Variants in DCC observed in about 807,000 individuals in gnomAD.
DCC encodes netrin receptor DCC.
In DCC, 58 loss-of-function variants were observed where a neutral mutation model predicts 172.5. The observed-to-expected ratio is 0.34, with a 90% CI of 0.27 to 0.42. The LOEUF (loss-of-function observed/expected upper bound fraction) is 0.42, where lower values mean the gene tolerates loss of function less well. DCC is among the 10% of genes least tolerant of loss of function. The probability of loss-of-function intolerance (pLI) is 1.00; values close to 1 mark genes in which losing one functional copy is unlikely to be tolerated. For missense variants in DCC, 1,740 were observed against 1,791.0 expected, an observed-to-expected ratio of 0.97 and a Z score of 0.51; for synonymous variants, 709 against 644.5, an observed-to-expected ratio of 1.10 and a Z score of -1.52.
intron 12 of DCC, among the ~76,000 whole-genome samples, chr18:53,278,059 T>A (rs1420499948): frequency 1.3e-5 from 2 of 152,148 alleles, no homozygotes; most frequent in Admixed American, 6.6e-5. Flanking sequence ...AGGGAGTTGA[T>A]CTTAATAACA....
Position 53,446,124 on chromosome 18 carries a change from A to AC in DCC, c.3230-4375dup, listed in dbSNP as rs1555672927. Among the ~76,000 whole-genome samples the AC allele has an allele frequency of 6.1e-3, 717 of 116,824 alleles. 2 individuals are homozygous for AC. The highest frequency in any genetic ancestry group is 0.016 in the Middle Eastern group (3 of 182). 76.6% of individuals were successfully genotyped at this position (116,824 alleles called of 152,430 possible). On this transcript the variant is annotated intron_variant, in intron 22 of 28. Coordinates refer to ENST00000442544, the MANE Select transcript of DCC (RefSeq NM_005215.4). ...AAAAAAAAAAAAAAAACAAAAAAAA[A>AC]CACTTAAAAATTTTCCAGGGATGGT...
At chr18:52,780,113 C>T (rs2037508462) in intron 2 of DCC, among the ~76,000 whole-genome samples, 1 of 152,096 alleles carries the variant, frequency 6.6e-6, no homozygotes, top group South Asian at 2.1e-4. Flanking sequence ...TTTTTCATAG[C>T]TTTCTGCAGG....
intron 28 of DCC, chr18:53,527,082 CATGGATACGTGTGTGT>C (rs1393993030): frequency 2.9e-6 from 1 of 343,700 alleles, no homozygotes; most frequent in Non-Finnish European, 5.5e-6. Context: ...ATGATATACA[CATGGATACGTGTGTGT>C]GTGTGTGTGT....
intron 5 of DCC, among the ~76,000 whole-genome samples, chr18:53,037,785 G>C (rs2042116135): frequency 6.6e-6 from 1 of 151,814 alleles, no homozygotes; most frequent in East Asian, 1.9e-4. Context: ...ATGTCACTCA[G>C]CTGTCACGAG....
At chr18:52,519,333 A>C (rs1409773133) in intron 1 of DCC, among the ~76,000 whole-genome samples, 2 of 152,234 alleles carry the variant, frequency 1.3e-5, no homozygotes, top group African/African-American at 4.8e-5. Context: ...TGCAGTTAAG[A>C]TCTGCAGTGC....
chr18:53,150,835 A>G (rs960472688), intron 7 of DCC, among the ~76,000 whole-genome samples: 5 of 152,232 alleles, frequency 3.3e-5, no homozygotes, highest in African/African-American at 1.2e-4. Flanking sequence ...TTCTGAAAGT[A>G]AAGTCTCTGC....
intron 23 of DCC, among the ~76,000 whole-genome samples, chr18:53,456,744 A>G (rs1031204411): frequency 1.3e-5 from 2 of 152,204 alleles, no homozygotes; most frequent in Non-Finnish European, 2.9e-5. Context: ...CCACTGTACT[A>G]GGAGCACCTG....
intron 26 of DCC, 28 bp downstream of exon 26, chr18:53,486,986 A>G: frequency 1.2e-6 from 2 of 1,613,654 alleles, no homozygotes; most frequent in East Asian, 2.2e-5. Context: ...CTTTTTAATA[A>G]GCACAAATGA....
chr18:52,812,223 T>C (rs1954957), intron 2 of DCC, among the ~76,000 whole-genome samples: 105,429 of 152,104 alleles, frequency 0.69, 39,452 homozygotes, highest in East Asian at 0.97. Flanking sequence ...AGCTACCCTT[T>C]CTGATATTAT....
intron 3 of DCC, among the ~76,000 whole-genome samples, chr18:52,915,132 T>C (rs1210186091): frequency 6.6e-6 from 1 of 152,164 alleles, no homozygotes; most frequent in Non-Finnish European, 1.5e-5. Flanking sequence ...CATAATTTAA[T>C]TTCTCTGTGT....
At chr18:52,603,460 G>C (rs758788569) in intron 1 of DCC, among the ~76,000 whole-genome samples, 9 of 151,648 alleles carry the variant, frequency 5.9e-5, no homozygotes, top group Non-Finnish European at 1.0e-4. Context: ...CTATCAAGAT[G>C]GGAAAACTAG....
At chr18:53,388,830 G>A (rs558423759) in intron 16 of DCC, among the ~76,000 whole-genome samples, 1 of 152,230 alleles carries the variant, frequency 6.6e-6, no homozygotes, top group South Asian at 2.1e-4. Context: ...TGTTGCCCAA[G>A]CTGGAGTGCA....
chr18:53,296,809 T>C (rs2057073126), intron 12 of DCC, among the ~76,000 whole-genome samples: 1 of 152,126 alleles, frequency 6.6e-6, no homozygotes, highest in South Asian at 2.1e-4. Flanking sequence ...CAAAACTGAT[T>C]TTAAATTAGT....
In DCC at chr18:53,342,822, G is replaced by A. The variant is rs990502533; in HGVS notation, c.2359+2915G>A. 9.0e-5 allele frequency among the ~76,000 whole-genome samples: 11 copies of A among 122,164 alleles called. No individual in the cohort carries two copies. In the South Asian group the frequency reaches 1.4e-3, roughly 16 times the overall value. 80.1% of individuals were successfully genotyped at this position (122,164 alleles called of 152,430 possible). A position where few individuals can be genotyped will look rare whatever the true frequency, so the allele number is the denominator to read the frequency against. ...ATATATTTAGGACTGTTTAAATTAT[G>A]CATATATATTTGAATATTCCTAAAT... On this transcript the variant is annotated intron_variant, in intron 15 of 28. Transcript: ENST00000442544.
chr18:53,285,435 T>C (rs1314055847), intron 12 of DCC, among the ~76,000 whole-genome samples: 1 of 152,210 alleles, frequency 6.6e-6, no homozygotes, highest in Non-Finnish European at 1.5e-5. Flanking sequence ...CCTTGGAAGC[T>C]TCTACGTTTT....
intron 2 of DCC, among the ~76,000 whole-genome samples, chr18:52,839,032 T>C (rs991288635): frequency 6.6e-6 from 1 of 152,136 alleles, no homozygotes; most frequent in African/African-American, 2.4e-5. Flanking sequence ...AGAGGACATG[T>C]GGAGCAATCA....
intron 1 of DCC, among the ~76,000 whole-genome samples, chr18:52,705,388 A>G (rs1160953517): frequency 2.0e-5 from 3 of 152,202 alleles, no homozygotes; most frequent in Admixed American, 6.5e-5. Context: ...GGTGTTCGGA[A>G]GTCTATGTTT....
intron 3 of DCC, among the ~76,000 whole-genome samples, chr18:52,911,025 C>T (rs1013045919): frequency 6.6e-6 from 1 of 152,064 alleles, no homozygotes; most frequent in Non-Finnish European, 1.5e-5. Flanking sequence ...GAACTTATTA[C>T]TCAATGGCAC....
chr18:53,155,522 A>C (rs1292256498), intron 7 of DCC, among the ~76,000 whole-genome samples: 2 of 152,210 alleles, frequency 1.3e-5, no homozygotes, highest in Non-Finnish European at 1.5e-5. Context: ...CAAAATATAC[A>C]TGCACATATG....
Sources: allele counts gnomAD v4.1 joint callset (sites outside exome capture counted in the v4.1 genomes callset), GRCh38; gene constraint gnomAD v4.1.1; transcripts MANE v1.5; gene names NCBI Gene and HGNC (gene_info 2026-07-23, HGNC 2026-07-21).